Variants in ERCC6L2 observed in about 807,000 individuals in gnomAD.
ERCC6L2 encodes the protein ERCC excision repair 6 like 2.
ERCC6L2 carries 77 observed loss-of-function variants against 132.0 expected under a neutral mutation model. The observed-to-expected ratio is 0.58, with a 90% CI of 0.49 to 0.71. ERCC6L2 has a LOEUF of 0.71. Among genes scored for constraint, ERCC6L2 ranks in the 30% least tolerant of loss-of-function variants. The probability of loss-of-function intolerance (pLI) is 0.00; values close to 1 mark genes in which losing one functional copy is unlikely to be tolerated. For synonymous variants in ERCC6L2, 583 were observed against 632.4 expected (o/e 0.92, Z 1.17); for missense variants, 1,542 against 1,837.6 (o/e 0.84, Z 2.94).
intron 2 of ERCC6L2, among the ~76,000 whole-genome samples, chr9:95,887,213 G>C (rs1425152691): frequency 1.3e-5 from 2 of 151,882 alleles, no homozygotes; most frequent in African/African-American, 4.8e-5. Context: ...GGAGAAACAA[G>C]CCTGCCTGGG....
intron 2 of ERCC6L2, among the ~76,000 whole-genome samples, chr9:95,891,904 T>G (rs558230859): frequency 2.0e-5 from 3 of 152,276 alleles, no homozygotes; most frequent in African/African-American, 7.2e-5. Flanking sequence ...TTGTCTTTAT[T>G]GTTGAGTTGT....
Position 95,970,657 on chromosome 9 carries a change from G to T in ERCC6L2, c.2181+1G>T. 7.7e-7 allele frequency: 1 copy of T among 1,302,788 alleles called. No homozygotes were observed. Among genetic ancestry groups the T allele is most frequent in the Non-Finnish European group, 1.0e-6 (1 of 988,166 alleles). 80.7% of individuals were successfully genotyped at this position (1,302,788 alleles called of 1,614,324 possible). A position where few individuals can be genotyped will look rare whatever the true frequency, so the allele number is the denominator to read the frequency against. ...ACCTCCAGCACACAAACTGGAAATG[G>T]TATGTAATATTTGAACCTGTAGACT... On this transcript the variant is annotated splice_donor_variant, in intron 15 of 18. Coordinates refer to ENST00000653738, the MANE Select transcript of ERCC6L2 (RefSeq NM_020207.7). LOFTEE classifies it high-confidence loss of function.
Position 95,879,557 on chromosome 9 carries a change from G to A in ERCC6L2, c.47-1312G>A, listed in dbSNP as rs533642513. On this transcript the variant is annotated intron_variant, in intron 1 of 18. Coordinates refer to ENST00000653738, the MANE Select transcript of ERCC6L2 (RefSeq NM_020207.7). ...TGTTGTTCTACTTGTACAGTGGATC[G>A]AGGCTTTAGTTTGACATTAAAACAC... Among the ~76,000 whole-genome samples the A allele has an allele frequency of 4.6e-5, 7 of 152,222 alleles. No homozygotes were observed. In the South Asian group the frequency reaches 6.2e-4, roughly 14 times the overall value.
intron 1 of ERCC6L2, 182 bp downstream of exon 1, chr9:95,876,266 T>TTC: frequency 1.8e-6 from 1 of 545,482 alleles, no homozygotes; most frequent in Non-Finnish European, 3.2e-6. Context: ...GAACCTGGAC[T>TTC]CGGGAGTCAG....
intron 4 of ERCC6L2, among the ~76,000 whole-genome samples, chr9:95,910,246 GCT>G (rs1301536023): frequency 6.6e-6 from 1 of 152,058 alleles, no homozygotes; most frequent in African/African-American, 2.4e-5. Context: ...GTATTTTGAA[GCT>G]CTTTTATGAG....
intron 14 of ERCC6L2, chr9:95,968,492 G>A (rs1832267610): frequency 1.3e-5 from 2 of 152,098 alleles, no homozygotes; most frequent in South Asian, 4.1e-4. Context: ...GCCAAAAGGT[G>A]CTTCTAAATA....
At chr9:95,921,027 G>A in intron 6 of ERCC6L2, 148 bp from the exon 7 acceptor site, 1 of 638,848 alleles carries the variant, frequency 1.6e-6, no homozygotes, top group Non-Finnish European at 2.5e-6. Context: ...CGCCCTCCTT[G>A]GCTTCCCAAA....
intron 11 of ERCC6L2, among the ~76,000 whole-genome samples, chr9:95,930,601 C>T (rs1830291637): frequency 6.6e-6 from 1 of 152,076 alleles, no homozygotes; most frequent in Non-Finnish European, 1.5e-5. Flanking sequence ...TACTCTCTCC[C>T]CGTTTTTTTC....
chr9:95,996,062 G>C (rs1382620097), intron 17 of ERCC6L2, among the ~76,000 whole-genome samples: 3 of 152,182 alleles, frequency 2.0e-5, no homozygotes, highest in African/African-American at 7.2e-5. Flanking sequence ...GCCAAAATAG[G>C]CTGAAAACTA....
chr9:95,957,876 G>T (rs900417442), intron 13 of ERCC6L2, among the ~76,000 whole-genome samples: 159 of 145,912 alleles, frequency 1.1e-3, no homozygotes, highest in African/African-American at 3.6e-3. Context: ...TTATGTTTTT[G>T]TTTTTTTTTT....
chr9:96,020,749 C>T (rs190906764), downstream of ERCC6L2: 54 of 456,754 alleles, frequency 1.2e-4, no homozygotes, highest in African/African-American at 9.2e-4. Flanking sequence ...GAAAAGGCCA[C>T]TTCCAAACTG....
intron 3 of ERCC6L2, among the ~76,000 whole-genome samples, chr9:95,899,600 A>ATGTGTGTGTG (rs56991965): frequency 0.01 from 1,353 of 134,858 alleles, 14 homozygotes; most frequent in African/African-American, 0.021. Flanking sequence ...TTATATATAT[A>ATGTGTGTGTG]TGTGTGTGTG....
At chr9:95,939,512 T>A (rs1830703879) in intron 11 of ERCC6L2, among the ~76,000 whole-genome samples, 1 of 152,186 alleles carries the variant, frequency 6.6e-6, no homozygotes, top group East Asian at 1.9e-4. Flanking sequence ...TTTCTCTCTG[T>A]TGTTCATATT....
At chr9:96,026,973 AACAC>A (rs979538643) in intron 19 of ERCC6L2, among the ~76,000 whole-genome samples, 6 of 127,486 alleles carry the variant, frequency 4.7e-5, no homozygotes, top group African/African-American at 1.8e-4. Flanking sequence ...ACACCGCACA[AACAC>A]ACCACACACA....
At chr9:96,010,224 T>C (rs568756588) in intron 18 of ERCC6L2, among the ~76,000 whole-genome samples, 75 of 152,292 alleles carry the variant, frequency 4.9e-4, no homozygotes, top group African/African-American at 1.7e-3. Flanking sequence ...TGATCAAGCA[T>C]GTATAGTATC....
In ERCC6L2 at chr9:95,880,905, C is replaced by T. The variant is rs1827553273; in HGVS notation, c.83C>T (p.Ser28Phe). 2 of 1,612,982 alleles carry T rather than the reference C, an allele frequency of 1.2e-6. No homozygotes were observed. The highest frequency in any genetic ancestry group is 1.7e-5 in the Admixed American group (1 of 59,874). Residue 28 changes from serine (S) to phenylalanine (F), a missense_variant, in exon 2 of 19, where the codon TCT becomes TTT. By Grantham distance (155) the Ser-to-Phe change is radical (BLOSUM62 -2). Transcript: ENST00000653738. ...CCAGGAGAAAGATGTCTTGCCCCTT[C>T]TCCAGATAATGGAAAACTTTGTGAA... is the stretch of plus-strand genomic sequence containing the variant. ...WHPGERCLAP[S>F]PDNGKLCEAS... is the part of the protein sequence containing the mutation.
rs1451547199 is a variant in ERCC6L2, at chr9:96,016,321, A to G, written c.*3118A>G. Among the ~76,000 whole-genome samples the G allele has an allele frequency of 6.6e-6, 1 of 152,234 alleles. No individual in the cohort carries two copies. Among genetic ancestry groups the G allele is most frequent in the Admixed American group, 6.5e-5 (1 of 15,286 alleles). On this transcript the variant is annotated 3_prime_UTR_variant, in exon 19 of 19. Transcript: ENST00000653738. ...CACCACTGTGGCTCCATGGAGCACT[A>G]ATTTGAAAACCACAGAGATGAGATC...
At position 96,015,137 on chromosome 9, in the gene ERCC6L2, C is replaced by T. The variant is rs565498543; in HGVS notation, c.*1934C>T. ...TCCCTCCCAAACAACTCTTATGCCT[C>T]AGCCTCCTGAGTAGCTAGGATTACA... On this transcript the variant is annotated 3_prime_UTR_variant, in exon 19 of 19. Coordinates refer to ENST00000653738, the MANE Select transcript of ERCC6L2 (RefSeq NM_020207.7). Among the ~76,000 whole-genome samples, 1 of 144,110 alleles carries T rather than the reference C, an allele frequency of 6.9e-6. No homozygotes were observed. The highest frequency in any genetic ancestry group is 2.3e-4 in the South Asian group (1 of 4,352). The allele number at this position is 144,110 out of a possible 152,430, so 94.5% of individuals were successfully genotyped here.
intron 17 of ERCC6L2, among the ~76,000 whole-genome samples, chr9:95,990,522 ATTG>A (rs1833258864): frequency 2.0e-5 from 3 of 152,180 alleles, no homozygotes; most frequent in Admixed American, 2.0e-4. Context: ...GTGGCCCTTA[ATTG>A]TAGTAGTGAG....
Sources: allele counts gnomAD v4.1 joint callset (sites outside exome capture counted in the v4.1 genomes callset), GRCh38; gene constraint gnomAD v4.1.1; transcripts MANE v1.5; gene names NCBI Gene and HGNC (gene_info 2026-07-23, HGNC 2026-07-21).